PRKAA2: variants seen among roughly 807,000 people sequenced by gnomAD.
The protein encoded by PRKAA2 is 5'-AMP-activated protein kinase catalytic subunit alpha-2.
A neutral mutation model predicts 56.3 loss-of-function variants in PRKAA2; 40 were observed. The observed-to-expected ratio is 0.71, with a 90% CI of 0.55 to 0.92. The LOEUF is 0.92. Ranked by LOEUF, PRKAA2 falls within the 40% of genes least tolerant of loss-of-function variation. The pLI, the probability that PRKAA2 is intolerant of heterozygous loss-of-function variation, is 0.00. For missense variants in PRKAA2, 542 were observed against 686.9 expected (o/e 0.79, Z 2.36); for synonymous variants, 214 against 234.2 (o/e 0.91, Z 0.79).
In PRKAA2 at chr1:56,646,734, A is replaced by G. The variant is rs79318791; in HGVS notation, c.94+1253A>G. 5.3e-5 allele frequency among the ~76,000 whole-genome samples: 8 copies of G among 152,232 alleles called. No individual in the cohort carries two copies. The East Asian group carries it at 1.5e-3, about 29-fold the overall frequency. On this transcript the variant is annotated intron_variant, in intron 1 of 8. Coordinates refer to ENST00000371244, the MANE Select transcript of PRKAA2 (RefSeq NM_006252.4). ...ATTTCCTTGTAAAATTCATATTTTA[A>G]CCCCAAGTCAAGGCTGTTGAATGAG...
chr1:56,704,204 A>G lies in PRKAA2; in HGVS notation c.1022A>G (p.Tyr341Cys), dbSNP rs1644315982. ...RRIMNQASEF[Y>C]LASSPPSGSF... ...ATAATGAACCAAGCCAGTGAGTTCT[A>G]CCTCGCCTCTAGTCCTCCATCTGGT... is the stretch of plus-strand genomic sequence containing the variant. The change falls in exon 7 of 9, where the codon TAC becomes TGC. Residue 341 changes from tyrosine to cysteine, a missense_variant. Physicochemically the swap from Tyr to Cys is radical, Grantham distance 194. Coordinates refer to ENST00000371244, the MANE Select transcript of PRKAA2 (RefSeq NM_006252.4). 1.2e-6 allele frequency: 2 copies of G among 1,614,138 alleles called. No individual in the cohort carries two copies. Among genetic ancestry groups the G allele is most frequent in the Middle Eastern group, 1.6e-4 (1 of 6,062 alleles).
At chr1:56,684,395 C>A (rs1644176571) in intron 2 of PRKAA2, among the ~76,000 whole-genome samples, 1 of 152,028 alleles carries the variant, frequency 6.6e-6, no homozygotes, top group South Asian at 2.1e-4. Context: ...TGGAAGCCAT[C>A]AGCAGACAGA....
Position 56,708,872 on chromosome 1 carries a change from T to A in PRKAA2, c.*1159T>A, listed in dbSNP as rs1644350962. 1 of 152,036 alleles carries A rather than the reference T, an allele frequency of 6.6e-6. No individual in the cohort carries two copies. The highest frequency in any genetic ancestry group is 2.1e-4 in the South Asian group (1 of 4,828). The allele number at this position is 152,036 out of a possible 1,614,324, so 9.4% of individuals were successfully genotyped here. A position where few individuals can be genotyped will look rare whatever the true frequency, so the allele number is the denominator to read the frequency against. On this transcript the variant is annotated 3_prime_UTR_variant, in exon 9 of 9. Transcript: ENST00000371244. ...GGAAGCTTTGAACATCAAGAAAAAATTTTTATCTTAAATAAATAAATATAT... is the reference window on the plus strand; with the variant it reads ...GGAAGCTTTGAACATCAAGAAAAAAATTTTATCTTAAATAAATAAATATAT...
intron 2 of PRKAA2, among the ~76,000 whole-genome samples, chr1:56,677,641 T>G (rs898998149): frequency 1.4e-5 from 2 of 142,192 alleles, no homozygotes; most frequent in Non-Finnish European, 3.0e-5. Flanking sequence ...GTCATGAGGA[T>G]TCTAAGGCTT....
At chr1:56,668,269 TG>T (rs1179440916) in intron 1 of PRKAA2, among the ~76,000 whole-genome samples, 2 of 41,274 alleles carry the variant, frequency 4.8e-5, no homozygotes, top group Non-Finnish European at 9.3e-5. Flanking sequence ...TGTTGTGGGG[TG>T]GGGGGAGGGG....
chr1:56,669,764 G>A (rs1644062097), intron 1 of PRKAA2, among the ~76,000 whole-genome samples: 1 of 152,174 alleles, frequency 6.6e-6, no homozygotes, highest in South Asian at 2.1e-4. Flanking sequence ...GCATATAGTA[G>A]TTACCTTAAA....
Position 56,672,139 on chromosome 1 carries a change from A to G in PRKAA2, c.95-2242A>G, listed in dbSNP as rs368600126. Among the ~76,000 whole-genome samples, 4 of 152,106 alleles carry G rather than the reference A, an allele frequency of 2.6e-5. No individual in the cohort carries two copies. The East Asian group carries it at 5.8e-4, about 22-fold the overall frequency. On this transcript the variant is annotated intron_variant, in intron 1 of 8. Coordinates refer to ENST00000371244, the MANE Select transcript of PRKAA2 (RefSeq NM_006252.4). ...GTTTTTGTTTTTCATTTTTTTAGAGACAGGGTCTCACTCTGTCACCCAGGC... is the reference window on the plus strand; with the variant it reads ...GTTTTTGTTTTTCATTTTTTTAGAGGCAGGGTCTCACTCTGTCACCCAGGC...
intron 2 of PRKAA2, among the ~76,000 whole-genome samples, chr1:56,689,891 C>T (rs1239177469): frequency 3.5e-5 from 1 of 28,596 alleles, no homozygotes; most frequent in Non-Finnish European, 7.1e-5. Flanking sequence ...GAAACACAGA[C>T]ACACAGACAC....
At chr1:56,650,336 A>C (rs371811634) in intron 1 of PRKAA2, among the ~76,000 whole-genome samples, 1 of 152,176 alleles carries the variant, frequency 6.6e-6, no homozygotes, top group African/African-American at 2.4e-5. Context: ...CTGTTTTTGG[A>C]AACAGATTAT....
intron 7 of PRKAA2, among the ~76,000 whole-genome samples, chr1:56,705,506 T>G (rs1644325450): frequency 6.6e-6 from 1 of 152,006 alleles, no homozygotes; most frequent in Non-Finnish European, 1.5e-5. Context: ...GGCTATCCTC[T>G]CACCTCAGCC....
intron 2 of PRKAA2, among the ~76,000 whole-genome samples, chr1:56,688,080 C>T (rs1644204555): frequency 6.6e-6 from 1 of 152,138 alleles, no homozygotes; most frequent in Non-Finnish European, 1.5e-5. Flanking sequence ...TTTTAGACAG[C>T]ACAAGAGATT....
intron 1 of PRKAA2, among the ~76,000 whole-genome samples, chr1:56,669,187 G>A (rs779373964): frequency 6.6e-6 from 1 of 152,050 alleles, no homozygotes; most frequent in African/African-American, 2.4e-5. Flanking sequence ...GGCTGGGCAC[G>A]GTGGCTCACA....
At chr1:56,676,520 C>G (rs1644114215) in intron 2 of PRKAA2, among the ~76,000 whole-genome samples, 1 of 152,154 alleles carries the variant, frequency 6.6e-6, no homozygotes, top group Non-Finnish European at 1.5e-5. Context: ...CTGCTGGCAC[C>G]TTGATTTTAG....
rs1018809966 is a variant in PRKAA2, at chr1:56,713,083, A to G, written c.*5370A>G. 6.6e-6 allele frequency: 1 copy of G among 152,202 alleles called. No homozygotes were observed. Among genetic ancestry groups the G allele is most frequent in the African/African-American group, 2.4e-5 (1 of 41,456 alleles). 9.4% of individuals were successfully genotyped at this position (152,202 alleles called of 1,614,324 possible). ...CAAACCTTATAAAACTTTGAAATGTACTTATGTTTGAGCTTTAAAAATTAT... is the reference window on the plus strand; with the variant it reads ...CAAACCTTATAAAACTTTGAAATGTGCTTATGTTTGAGCTTTAAAAATTAT... On this transcript the variant is annotated 3_prime_UTR_variant, in exon 9 of 9. Transcript: ENST00000371244.
intron 2 of PRKAA2, among the ~76,000 whole-genome samples, chr1:56,684,439 A>G (rs11809287): frequency 0.12 from 18,374 of 151,942 alleles, 1,656 homozygotes; most frequent in African/African-American, 0.24. Flanking sequence ...CTAAGACTGG[A>G]TGAAATCACC....
At chr1:56,691,790 T>A (rs1230810678) in intron 3 of PRKAA2, among the ~76,000 whole-genome samples, 1 of 152,210 alleles carries the variant, frequency 6.6e-6, no homozygotes, top group African/African-American at 2.4e-5. Context: ...ATGTTCTGTT[T>A]TAGTTTGTTT....
intron 2 of PRKAA2, among the ~76,000 whole-genome samples, chr1:56,684,889 T>C (rs568240516): frequency 1.3e-5 from 2 of 152,080 alleles, no homozygotes; most frequent in South Asian, 2.1e-4. Flanking sequence ...ATGGGAGATA[T>C]TGTAGAATGT....
intron 6 of PRKAA2, among the ~76,000 whole-genome samples, chr1:56,701,509 T>C (rs1035917467): frequency 3.3e-5 from 5 of 152,198 alleles, no homozygotes; most frequent in Admixed American, 2.6e-4. Context: ...ATTTTTTGTG[T>C]CCATACTTTG....
chr1:56,704,797 C>CT (rs762689711), intron 7 of PRKAA2, among the ~76,000 whole-genome samples: 281 of 143,400 alleles, frequency 2.0e-3, no homozygotes, highest in Middle Eastern at 3.5e-3. Context: ...TTTACTTTCT[C>CT]TTTTTTTTTT....
Sources: gnomAD v4.1 joint callset for allele counts (sites outside exome capture counted in the v4.1 genomes callset) on GRCh38, gnomAD v4.1.1 for gene constraint, MANE v1.5 for transcripts, NCBI Gene and HGNC (gene_info 2026-07-23, HGNC 2026-07-21) for gene names.